CDH13: variants seen among roughly 807,000 people sequenced by gnomAD.
CDH13 encodes cadherin-13.
Under a neutral mutation model 63.8 loss-of-function variants are expected in CDH13, and 24 were observed. That is an observed-to-expected ratio of 0.38 (90% CI 0.27 to 0.53). The LOEUF (loss-of-function observed/expected upper bound fraction) is 0.53, where lower values mean the gene tolerates loss of function less well. Among genes scored for constraint, CDH13 ranks in the 20% least tolerant of loss-of-function variants. The probability of loss-of-function intolerance (pLI) is 0.85; values close to 1 mark genes in which losing one functional copy is unlikely to be tolerated. For missense variants in CDH13, 1,049 were observed against 903.1 expected, an observed-to-expected ratio of 1.16 and a Z score of -2.07; for synonymous variants, 503 against 355.3, an observed-to-expected ratio of 1.42 and a Z score of -4.67.
chr16:83,278,487 G>A (rs1230172875), intron 5 of CDH13, among the ~76,000 whole-genome samples: 1 of 152,200 alleles, frequency 6.6e-6, no homozygotes, highest in Non-Finnish European at 1.5e-5. Flanking sequence ...AGTTTCCATG[G>A]TGTGAAGAAT....
intron 7 of CDH13, among the ~76,000 whole-genome samples, chr16:83,526,066 A>T (rs550712913): frequency 1.4e-4 from 21 of 152,290 alleles, no homozygotes; most frequent in African/African-American, 5.1e-4. Context: ...GTGTTAAGAC[A>T]CCGTGCTGTC....
intron 1 of CDH13, among the ~76,000 whole-genome samples, chr16:82,659,524 C>A (rs1278525613): frequency 6.6e-6 from 1 of 152,122 alleles, no homozygotes; most frequent in Non-Finnish European, 1.5e-5. Flanking sequence ...CCATAAATAA[C>A]AGAAAAGAAT....
chr16:83,157,076 C>G (rs537853722), intron 4 of CDH13, among the ~76,000 whole-genome samples: 2 of 152,320 alleles, frequency 1.3e-5, no homozygotes, highest in Non-Finnish European at 2.9e-5. Flanking sequence ...GGCCACTGTA[C>G]TTTCAAAATG....
chr16:83,536,116 G>A (rs1158821762), intron 7 of CDH13, among the ~76,000 whole-genome samples: 1 of 152,162 alleles, frequency 6.6e-6, no homozygotes, highest in East Asian at 1.9e-4. Context: ...TTGGCATTAT[G>A]AGGCATTGAG....
chr16:83,277,381 G>A (rs77359183), intron 5 of CDH13, among the ~76,000 whole-genome samples: 10 of 152,168 alleles, frequency 6.6e-5, no homozygotes, highest in East Asian at 1.9e-4. Flanking sequence ...ACCATACTCC[G>A]AACCTACTGA....
intron 7 of CDH13, among the ~76,000 whole-genome samples, chr16:83,583,675 A>G (rs571811300): frequency 2.0e-5 from 3 of 152,232 alleles, no homozygotes; most frequent in African/African-American, 7.2e-5. Flanking sequence ...TGGGAGGCCA[A>G]GGTGGGCAGA....
At chr16:83,065,254 T>A (rs1252359961) in intron 3 of CDH13, among the ~76,000 whole-genome samples, 1 of 152,100 alleles carries the variant, frequency 6.6e-6, no homozygotes, top group Non-Finnish European at 1.5e-5. Flanking sequence ...AGAAAAAGCT[T>A]GAAGGTAGAA....
chr16:83,286,784 T>TTA (rs1366584622), intron 5 of CDH13, among the ~76,000 whole-genome samples: 79 of 113,092 alleles, frequency 7.0e-4, no homozygotes, highest in African/African-American at 2.0e-3. Context: ...ATATATATAT[T>TTA]TATATATATA....
intron 5 of CDH13, among the ~76,000 whole-genome samples, chr16:83,225,426 C>T (rs1344578881): frequency 1.3e-5 from 2 of 152,184 alleles, no homozygotes; most frequent in Non-Finnish European, 2.9e-5. Flanking sequence ...GCAAATTTGT[C>T]CCAGGCTTCC....
At chr16:83,003,844 C>G (rs778276879) in intron 2 of CDH13, among the ~76,000 whole-genome samples, 1 of 152,204 alleles carries the variant, frequency 6.6e-6, no homozygotes, top group Non-Finnish European at 1.5e-5. Context: ...CTAAATAATT[C>G]TGTATAAATA....
intron 1 of CDH13, among the ~76,000 whole-genome samples, chr16:82,668,265 A>G (rs1356866421): frequency 6.6e-6 from 1 of 152,140 alleles, no homozygotes; most frequent in Non-Finnish European, 1.5e-5. Context: ...AAGGTGAGCA[A>G]TGCCTTCTAG....
intron 7 of CDH13, among the ~76,000 whole-genome samples, chr16:83,547,941 C>A (rs1197746628): frequency 6.6e-6 from 1 of 152,102 alleles, no homozygotes; most frequent in East Asian, 1.9e-4. Context: ...CCAGGCAGAC[C>A]AAGACTGGGT....
chr16:82,688,490 G>C (rs1357176585), intron 1 of CDH13, among the ~76,000 whole-genome samples: 6 of 152,152 alleles, frequency 3.9e-5, no homozygotes, highest in Non-Finnish European at 7.3e-5. Flanking sequence ...GTCTATCAAA[G>C]CAGAATTCAT....
chr16:83,337,621 ATTTTTTTTT>A (rs66957563), intron 5 of CDH13, among the ~76,000 whole-genome samples: 5 of 52,278 alleles, frequency 9.6e-5, no homozygotes, highest in South Asian at 1.0e-3. Context: ...TGACAAGCGT[ATTTTTTTTT>A]TTTTTTTTTT....
intron 3 of CDH13, among the ~76,000 whole-genome samples, chr16:83,080,650 T>A (rs1277388221): frequency 1.3e-5 from 2 of 152,126 alleles, no homozygotes; most frequent in African/African-American, 4.8e-5. Flanking sequence ...GAGAGTCTTG[T>A]GCCATTATAT....
chr16:83,057,218 G>A (rs191469458), intron 3 of CDH13, among the ~76,000 whole-genome samples: 1 of 152,262 alleles, frequency 6.6e-6, no homozygotes, highest in East Asian at 1.9e-4. Context: ...ACCTGCCTGG[G>A]CCTCCCAAAG....
intron 8 of CDH13, among the ~76,000 whole-genome samples, chr16:83,666,148 C>T (rs1913930113): frequency 6.6e-6 from 1 of 152,168 alleles, no homozygotes; most frequent in South Asian, 2.1e-4. Context: ...ATAATTCCTC[C>T]TGCTCTAGTG....
At chr16:83,560,454 G>A (rs2075683440) in intron 7 of CDH13, among the ~76,000 whole-genome samples, 1 of 152,200 alleles carries the variant, frequency 6.6e-6, no homozygotes, top group Non-Finnish European at 1.5e-5. Flanking sequence ...TACCACATAT[G>A]CAGTGAATCT....
intron 2 of CDH13, among the ~76,000 whole-genome samples, chr16:83,007,493 T>C (rs1913652496): frequency 6.6e-6 from 1 of 152,126 alleles, no homozygotes; most frequent in Non-Finnish European, 1.5e-5. Flanking sequence ...CTCTATTGCT[T>C]TCATGATAAA....
Sources: allele counts gnomAD v4.1 joint callset (sites outside exome capture counted in the v4.1 genomes callset), GRCh38; gene constraint gnomAD v4.1.1; transcripts MANE v1.5; gene names NCBI Gene and HGNC (gene_info 2026-07-23, HGNC 2026-07-21).